The following RGS7 variants were observed in gnomAD, a reference collection of about 807,000 sequenced individuals.
RGS7 encodes the protein regulator of G protein signaling 7.
A neutral mutation model predicts 81.1 loss-of-function variants in RGS7; 27 were observed. That is an observed-to-expected ratio of 0.33 (90% CI 0.25 to 0.46). RGS7 has a LOEUF of 0.46. RGS7 is among the 20% of genes least tolerant of loss of function. The pLI is 1.00. For synonymous variants in RGS7, 208 were observed against 207.7 expected (o/e 1.00, Z -0.01); for missense variants, 396 against 607.4 (o/e 0.65, Z 3.66).
At chr1:241,238,029 C>T (rs2076072356) in intron 2 of RGS7, among the ~76,000 whole-genome samples, 1 of 152,160 alleles carries the variant, frequency 6.6e-6, no homozygotes, top group Non-Finnish European at 1.5e-5. Flanking sequence ...GCTGAGTGAT[C>T]ACTTGCTTCC....
At chr1:241,135,766 A>G (rs1309133903) in intron 2 of RGS7, among the ~76,000 whole-genome samples, 3 of 151,884 alleles carry the variant, frequency 2.0e-5, no homozygotes, top group Non-Finnish European at 2.9e-5. Context: ...ACTCTCTACT[A>G]CAATGTCAGT....
intron 9 of RGS7, among the ~76,000 whole-genome samples, chr1:240,859,189 A>G (rs1377247783): frequency 6.6e-6 from 1 of 152,082 alleles, no homozygotes; most frequent in Non-Finnish European, 1.5e-5. Context: ...TTTTTGAGAC[A>G]GGGTCTTGCT....
chr1:241,019,279 G>A (rs1387509990), intron 3 of RGS7, among the ~76,000 whole-genome samples: 2 of 152,034 alleles, frequency 1.3e-5, no homozygotes, highest in Non-Finnish European at 2.9e-5. Flanking sequence ...AATTCTTTCT[G>A]TACTGTATCT....
At chr1:241,067,844 C>T (rs1202045792) in intron 3 of RGS7, among the ~76,000 whole-genome samples, 2 of 149,898 alleles carry the variant, frequency 1.3e-5, no homozygotes, top group Non-Finnish European at 3.0e-5. Context: ...AGAATAATAC[C>T]TGCAAGTAGA....
chr1:241,266,185 T>C (rs1189798673), intron 2 of RGS7, among the ~76,000 whole-genome samples: 3 of 152,320 alleles, frequency 2.0e-5, no homozygotes, highest in African/African-American at 4.8e-5. Context: ...CAAGGGGAAT[T>C]GTGAGTCACA....
In RGS7 at chr1:241,162,494, T is replaced by C. The variant is rs144680439; in HGVS notation, c.79-63732A>G. ...CAAGCCCAAAAACCCTGCCAAGGTA[T>C]AAAACCCCAGTCAAGGACCGGATGG... is the stretch of plus-strand genomic sequence containing the variant. On this transcript the variant is annotated intron_variant, in intron 2 of 18. Coordinates refer to ENST00000440928, the MANE Select transcript of RGS7 (RefSeq NM_001364886.1). Among the ~76,000 whole-genome samples, 829 of 152,272 alleles carry C rather than the reference T, an allele frequency of 5.4e-3. 9 individuals are homozygous for C. Among genetic ancestry groups the C allele is most frequent in the African/African-American group, 0.019 (796 of 41,546 alleles).
intron 5 of RGS7, among the ~76,000 whole-genome samples, chr1:240,936,171 G>C (rs1453083829): frequency 6.6e-6 from 1 of 152,196 alleles, no homozygotes; most frequent in Non-Finnish European, 1.5e-5. Flanking sequence ...CAGATTTGTA[G>C]AAGAGCCTAG....
At chr1:241,016,801 G>T (rs1339064447) in intron 3 of RGS7, among the ~76,000 whole-genome samples, 1 of 151,964 alleles carries the variant, frequency 6.6e-6, no homozygotes, top group Non-Finnish European at 1.5e-5. Context: ...CCTTTATGTG[G>T]CATGCTTATA....
intron 6 of RGS7, among the ~76,000 whole-genome samples, chr1:240,871,609 A>AG (rs1468787698): frequency 6.6e-6 from 1 of 152,238 alleles, no homozygotes. Context: ...AGACTTCATA[A>AG]ACAAAAGTGA....
rs190740505 is a variant in RGS7 at position 241,004,236 on chromosome 1, C to G, written c.176-21107G>C. Among the ~76,000 whole-genome samples, 174 of 152,278 alleles carry G rather than the reference C, an allele frequency of 1.1e-3. 1 individual carries two copies. The highest frequency in any genetic ancestry group is 3.4e-3 in the Middle Eastern group (1 of 294). ...AAAATGCTTAGACCTCCATTATAAA[C>G]TTGCAGTTGCCATCCCCAGCCTTTC... On this transcript the variant is annotated intron_variant, in intron 3 of 18. Transcript: ENST00000440928.
intron 16 of RGS7, 94 bp from the exon 17 acceptor site, chr1:240,801,602 T>C: frequency 4.5e-6 from 4 of 890,164 alleles, no homozygotes; most frequent in Non-Finnish European, 5.5e-6. Context: ...AAAGACAGGA[T>C]AATGAAATGA....
At chr1:241,247,639 G>A (rs941052583) in intron 2 of RGS7, among the ~76,000 whole-genome samples, 12 of 151,986 alleles carry the variant, frequency 7.9e-5, no homozygotes, top group Admixed American at 7.2e-4. Flanking sequence ...TGGCCACCAA[G>A]GAGATGCAGA....
intron 2 of RGS7, among the ~76,000 whole-genome samples, chr1:241,319,011 A>G (rs1316143793): frequency 6.6e-6 from 1 of 152,202 alleles, no homozygotes; most frequent in Non-Finnish European, 1.5e-5. Context: ...CAGGTGGATC[A>G]TGTGTGATTT....
intron 2 of RGS7, among the ~76,000 whole-genome samples, chr1:241,100,830 A>G (rs947219572): frequency 6.6e-6 from 1 of 152,202 alleles, no homozygotes. Flanking sequence ...GGGGATGCTT[A>G]TTCTCCACCT....
chr1:240,798,285 A>T (rs953925277), intron 18 of RGS7, among the ~76,000 whole-genome samples: 1 of 152,192 alleles, frequency 6.6e-6, no homozygotes, highest in African/African-American at 2.4e-5. Flanking sequence ...AGTATTTATG[A>T]ATCTGGGTAA....
intron 11 of RGS7, among the ~76,000 whole-genome samples, chr1:240,815,548 C>G (rs990472373): frequency 6.6e-6 from 1 of 152,130 alleles, no homozygotes; most frequent in Non-Finnish European, 1.5e-5. Context: ...CAAATGCTCA[C>G]ATGGAATAAT....
chr1:240,968,850 G>T lies in RGS7; in HGVS notation c.226+14229C>A, dbSNP rs539675941. On this transcript the variant is annotated intron_variant, in intron 4 of 18. Coordinates refer to ENST00000440928, the MANE Select transcript of RGS7 (RefSeq NM_001364886.1). ...CCTATCATTATTAGCTGTGATAAAA[G>T]AAAATGTTTCATGAAATATGACATA... Among the ~76,000 whole-genome samples, 19 of 152,222 alleles carry T rather than the reference G, an allele frequency of 1.2e-4. No individual in the cohort carries two copies. In the South Asian group the frequency reaches 1.9e-3, roughly 15 times the overall value.
In RGS7 at chr1:240,811,904, G is replaced by T; in HGVS notation, c.1082+14C>A. On this transcript the variant is annotated intron_variant, in intron 14 of 18. Transcript: ENST00000440928. ...TATTTCTCTGGCTTATAAGATCCAA[G>T]CAATGTGTTTTACCTTAAATTTTCC... The T allele has an allele frequency of 6.2e-7, 1 of 1,603,196 alleles. No individual in the cohort carries two copies. The highest frequency in any genetic ancestry group is 8.5e-7 in the Non-Finnish European group (1 of 1,169,994).
chr1:241,115,662 T>C (rs755401260), intron 2 of RGS7, among the ~76,000 whole-genome samples: 3 of 152,150 alleles, frequency 2.0e-5, no homozygotes, highest in Non-Finnish European at 2.9e-5. Flanking sequence ...CCGTTTCCCT[T>C]GGAGAATATA....
Sources: allele counts gnomAD v4.1 joint callset (sites outside exome capture counted in the v4.1 genomes callset), GRCh38; gene constraint gnomAD v4.1.1; transcripts MANE v1.5; gene names NCBI Gene and HGNC (gene_info 2026-07-23, HGNC 2026-07-21).